The following SLC24A2 variants were observed in gnomAD, a reference collection of about 807,000 sequenced individuals.
The protein encoded by SLC24A2 is sodium/potassium/calcium exchanger 2.
SLC24A2 carries 36 observed loss-of-function variants against 62.0 expected under a neutral mutation model. The observed-to-expected ratio is 0.58, with a 90% CI of 0.44 to 0.77. The LOEUF is 0.77. Among genes scored for constraint, SLC24A2 ranks in the 30% least tolerant of loss-of-function variants. The pLI is 0.00. For synonymous variants in SLC24A2, 358 were observed against 294.0 expected, an observed-to-expected ratio of 1.22 and a Z score of -2.23; for missense variants, 846 against 817.9, an observed-to-expected ratio of 1.03 and a Z score of -0.42.
chr9:19,984,123 T>G, the SLC24A2 span, among the ~76,000 whole-genome samples: 1 of 152,200 alleles, frequency 6.6e-6, no homozygotes, highest in Non-Finnish European at 1.5e-5. Flanking sequence ...GTAACCCTGT[T>G]GTAAGTTGCA....
chr9:20,017,690 A>G, the SLC24A2 span, among the ~76,000 whole-genome samples: 1 of 152,154 alleles, frequency 6.6e-6, no homozygotes, highest in African/African-American at 2.4e-5. Flanking sequence ...GCCCCTGGTA[A>G]ATCACTGGTG....
chr9:20,046,206 C>T, the SLC24A2 span, among the ~76,000 whole-genome samples: 1 of 152,196 alleles, frequency 6.6e-6, no homozygotes, highest in Non-Finnish European at 1.5e-5. Flanking sequence ...AAGACAAGTG[C>T]CCACTGTGTG....
intron 8 of SLC24A2, among the ~76,000 whole-genome samples, chr9:19,541,677 C>G (rs1834265884): frequency 6.7e-6 from 1 of 148,426 alleles, no homozygotes; most frequent in Admixed American, 6.7e-5. Flanking sequence ...GTGCCCTGCC[C>G]CCAGAGGTGG....
chr9:19,781,312 G>A (rs903775845), intron 2 of SLC24A2, among the ~76,000 whole-genome samples: 2 of 152,086 alleles, frequency 1.3e-5, no homozygotes, highest in Non-Finnish European at 2.9e-5. Context: ...AAAAAAGAGG[G>A]GAAGGGGACA....
chr9:20,168,701 A>T, the SLC24A2 span, among the ~76,000 whole-genome samples: 1 of 152,168 alleles, frequency 6.6e-6, no homozygotes, highest in South Asian at 2.1e-4. Flanking sequence ...AAAAGGTAAA[A>T]TAACAAGTGC....
upstream of SLC24A2, among the ~76,000 whole-genome samples, chr9:19,789,668 A>G (rs955045533): frequency 2.6e-5 from 4 of 152,208 alleles, no homozygotes; most frequent in Non-Finnish European, 5.9e-5. Context: ...CTGGAAAGCA[A>G]GATCCCCTTG....
At chr9:20,073,108 G>T in the SLC24A2 span, among the ~76,000 whole-genome samples, 1 of 152,106 alleles carries the variant, frequency 6.6e-6, no homozygotes. Context: ...GTTTTTGTAG[G>T]TCAGGAATTC....
the SLC24A2 span, among the ~76,000 whole-genome samples, chr9:20,157,935 C>T: frequency 2.6e-5 from 4 of 151,552 alleles, no homozygotes; most frequent in South Asian, 2.1e-4. Context: ...CAACCCAGTG[C>T]TATGCAAAGA....
At chr9:20,306,045 C>T in the SLC24A2 span, among the ~76,000 whole-genome samples, 1 of 152,112 alleles carries the variant, frequency 6.6e-6, no homozygotes, top group Non-Finnish European at 1.5e-5. Context: ...AATAACTAAC[C>T]TCTTTAAAGA....
In SLC24A2 at chr9:19,743,332, GA is replaced by G. The variant is rs547218847; in HGVS notation, c.930+42604del. Among the ~76,000 whole-genome samples, 137 of 152,224 alleles carry G rather than the reference GA, an allele frequency of 9.0e-4. 1 individual carries two copies. The highest frequency in any genetic ancestry group is 3.1e-3 in the African/African-American group (130 of 41,552). On this transcript the variant is annotated intron_variant, in intron 2 of 10. Transcript: ENST00000341998. ...TGTAATCCACCTTATAAATTATAGA[GA>G]ATTTTAATTAGCTGCTTTTTAAGGA...
At chr9:19,630,414 C>A (rs1818147475) in intron 2 of SLC24A2, among the ~76,000 whole-genome samples, 1 of 151,992 alleles carries the variant, frequency 6.6e-6, no homozygotes, top group Non-Finnish European at 1.5e-5. Context: ...TTTTGCCAAT[C>A]TTTTATTTTA....
chr9:19,851,651 C>T, the SLC24A2 span, among the ~76,000 whole-genome samples: 1 of 152,116 alleles, frequency 6.6e-6, no homozygotes, highest in Non-Finnish European at 1.5e-5. Flanking sequence ...CTGCAAAGGA[C>T]ATGATCTCAT....
chr9:20,001,148 C>T, the SLC24A2 span, among the ~76,000 whole-genome samples: 5 of 152,208 alleles, frequency 3.3e-5, no homozygotes. Flanking sequence ...ATCAGCACTT[C>T]GTTTCTGATG....
intron 2 of SLC24A2, among the ~76,000 whole-genome samples, chr9:19,754,340 A>C (rs1822071085): frequency 6.6e-6 from 1 of 152,186 alleles, no homozygotes; most frequent in African/African-American, 2.4e-5. Flanking sequence ...GACTTGGAGC[A>C]TGACAATCTC....
chr9:20,301,300 T>C, the SLC24A2 span, among the ~76,000 whole-genome samples: 2 of 152,316 alleles, frequency 1.3e-5, no homozygotes, highest in African/African-American at 2.4e-5. Flanking sequence ...TTCACATCCA[T>C]TGTTGTCTGG....
chr9:20,031,580 T>C, the SLC24A2 span, among the ~76,000 whole-genome samples: 11 of 152,114 alleles, frequency 7.2e-5, no homozygotes, highest in African/African-American at 2.6e-4. Flanking sequence ...TTTAAAAAAA[T>C]CAAAAGATCA....
At chr9:19,924,352 T>C in the SLC24A2 span, among the ~76,000 whole-genome samples, 1 of 152,228 alleles carries the variant, frequency 6.6e-6, no homozygotes, top group Non-Finnish European at 1.5e-5. Flanking sequence ...GCTAGAGCTC[T>C]ACCATTATGG....
At chr9:20,110,680 T>C in the SLC24A2 span, among the ~76,000 whole-genome samples, 1 of 152,136 alleles carries the variant, frequency 6.6e-6, no homozygotes, top group East Asian at 1.9e-4. Context: ...TTGACTCTTA[T>C]TGATATTAGA....
intron 2 of SLC24A2, among the ~76,000 whole-genome samples, chr9:19,680,562 G>A (rs563651409): frequency 7.7e-4 from 117 of 151,360 alleles, no homozygotes; most frequent in Non-Finnish European, 1.3e-3. Flanking sequence ...ATGCTTTAAC[G>A]CCACTTTCTT....
Sources: allele counts gnomAD v4.1 joint callset (sites outside exome capture counted in the v4.1 genomes callset), GRCh38; gene constraint gnomAD v4.1.1; transcripts MANE v1.5; gene names NCBI Gene and HGNC (gene_info 2026-07-23, HGNC 2026-07-21).